MAPK10: variants seen among roughly 807,000 people sequenced by gnomAD.
MAPK10 encodes JNK3 alpha protein kinase.
A neutral mutation model predicts 59.3 loss-of-function variants in MAPK10; 25 were observed. The observed-to-expected ratio is 0.42, with a 90% CI of 0.31 to 0.59. MAPK10 has a LOEUF of 0.59. MAPK10 is among the 20% of genes least tolerant of loss of function. The pLI is 0.15. For missense variants in MAPK10, 351 were observed against 568.9 expected (o/e 0.62, Z 3.90); for synonymous variants, 190 against 200.5 (o/e 0.95, Z 0.44).
chr4:86,471,647 T>A (rs537644907), intron 1 of MAPK10, among the ~76,000 whole-genome samples: 1 of 152,376 alleles, frequency 6.6e-6, no homozygotes, highest in East Asian at 1.9e-4. Flanking sequence ...CTTCAGATTT[T>A]GTGAAGATCA....
chr4:86,310,801 T>G (rs2095653672), intron 2 of MAPK10, among the ~76,000 whole-genome samples: 1 of 152,142 alleles, frequency 6.6e-6, no homozygotes, highest in Non-Finnish European at 1.5e-5. Flanking sequence ...GGTTTTTTTC[T>G]TCTCAAGGAA....
At chr4:86,439,372 G>A (rs1400032700) in intron 1 of MAPK10, among the ~76,000 whole-genome samples, 1 of 152,076 alleles carries the variant, frequency 6.6e-6, no homozygotes, top group Non-Finnish European at 1.5e-5. Flanking sequence ...TATGTAGCCT[G>A]TTCAGTATTA....
chr4:86,395,338 C>T (rs1342900809), intron 1 of MAPK10, among the ~76,000 whole-genome samples: 2 of 152,088 alleles, frequency 1.3e-5, no homozygotes, highest in African/African-American at 2.4e-5. Flanking sequence ...ACATTTTCTC[C>T]TTATAATTCC....
At chr4:86,285,140 G>C (rs1294189153) in intron 2 of MAPK10, among the ~76,000 whole-genome samples, 1 of 152,090 alleles carries the variant, frequency 6.6e-6, no homozygotes, top group African/African-American at 2.4e-5. Flanking sequence ...GAGTAGACCA[G>C]TAATGTGCTA....
At chr4:86,534,309 T>C (rs1758063219) in intron 1 of MAPK10, among the ~76,000 whole-genome samples, 2 of 152,094 alleles carry the variant, frequency 1.3e-5, no homozygotes, top group African/African-American at 4.8e-5. Flanking sequence ...TAAGAATAAA[T>C]TTATTTTTTA....
At chr4:86,308,520 C>G (rs1208926307) in intron 2 of MAPK10, 1 of 152,116 alleles carries the variant, frequency 6.6e-6, no homozygotes, top group African/African-American at 2.4e-5. Context: ...TTGAATATCT[C>G]TATGCCTCTA....
chr4:86,306,845 A>T (rs1052704765), intron 2 of MAPK10, among the ~76,000 whole-genome samples: 1 of 152,174 alleles, frequency 6.6e-6, no homozygotes, highest in Non-Finnish European at 1.5e-5. Context: ...ACGAGTACTA[A>T]TGTTGCAATA....
intron 1 of MAPK10, among the ~76,000 whole-genome samples, chr4:86,517,399 G>A (rs527368770): frequency 3.4e-5 from 5 of 148,440 alleles, no homozygotes; most frequent in Non-Finnish European, 5.9e-5. Context: ...CCTCAGCTTC[G>A]CGAGTAGCTG....
At chr4:86,487,675 G>A (rs1754113006) in intron 1 of MAPK10, among the ~76,000 whole-genome samples, 1 of 149,658 alleles carries the variant, frequency 6.7e-6, no homozygotes, top group South Asian at 2.1e-4. Context: ...AGCTTGCAGT[G>A]AGCTGAGATA....
chr4:86,014,466 G>A lies in MAPK10; in HGVS notation c.*2762C>T, dbSNP rs1158792771. 1 of 151,972 alleles carries A rather than the reference G, an allele frequency of 6.6e-6. No homozygotes were observed. The highest frequency in any genetic ancestry group is 1.5e-5 in the Non-Finnish European group (1 of 67,982). The allele number at this position is 151,972 out of a possible 1,614,324, so 9.4% of individuals were successfully genotyped here. A position where few individuals can be genotyped will look rare whatever the true frequency, so the allele number is the denominator to read the frequency against. ...CAAAGGACTGGGGGGCTTTTACAGT[G>A]GTGATTCTCTTTGTTGTTCCATCAT... On this transcript the variant is annotated 3_prime_UTR_variant, in exon 14 of 14. Transcript: ENST00000641462.
At chr4:86,361,238 T>C (rs538226865), upstream of MAPK10, among the ~76,000 whole-genome samples, 53 of 152,304 alleles carry the variant, frequency 3.5e-4, 1 homozygote, top group African/African-American at 1.1e-3. Context: ...CTGCTGTTGT[T>C]TTATTTGGGG....
chr4:86,047,405 T>C (rs928530170), intron 11 of MAPK10, among the ~76,000 whole-genome samples: 8 of 152,030 alleles, frequency 5.3e-5, no homozygotes, highest in African/African-American at 1.9e-4. Flanking sequence ...AGGGGGAGCT[T>C]GCTTGGTGTG....
chr4:86,251,529 T>C (rs1214973051), intron 2 of MAPK10, among the ~76,000 whole-genome samples: 5 of 136,218 alleles, frequency 3.7e-5, no homozygotes, highest in Non-Finnish European at 7.8e-5. Context: ...GGCTGCATAG[T>C]ATTCCATGGT....
rs142283168 is a variant in MAPK10 at position 86,276,310 on chromosome 4, T to C, written c.-7+78220A>G. 6.2e-3 allele frequency among the ~76,000 whole-genome samples: 942 copies of C among 152,236 alleles called. 13 individuals are homozygous for C. Among genetic ancestry groups the C allele is most frequent in the African/African-American group, 0.022 (897 of 41,560 alleles). Reference sequence around the variant, plus strand: ...ACTAGCTGTTTCAAATTAATTTCACTCTTTTCAAACCTTATGCCCTTTCCT... The same window carrying C: ...ACTAGCTGTTTCAAATTAATTTCACCCTTTTCAAACCTTATGCCCTTTCCT... On this transcript the variant is annotated intron_variant, in intron 2 of 13. Coordinates refer to ENST00000641462, the MANE Select transcript of MAPK10 (RefSeq NM_138982.4).
At chr4:86,033,719 T>A (rs532105317) in intron 11 of MAPK10, among the ~76,000 whole-genome samples, 57 of 152,360 alleles carry the variant, frequency 3.7e-4, no homozygotes, top group Middle Eastern at 3.4e-3. Flanking sequence ...ATTTATAGTA[T>A]TTGTTCGACG....
chr4:86,534,761 C>T (rs1291580804), intron 1 of MAPK10, among the ~76,000 whole-genome samples: 2 of 151,932 alleles, frequency 1.3e-5, no homozygotes, highest in African/African-American at 4.8e-5. Context: ...CAAAAATTAG[C>T]CAAGCGTAGT....
intron 9 of MAPK10, 84 bp downstream of exon 9, chr4:86,098,440 T>C: frequency 6.3e-7 from 1 of 1,589,334 alleles, no homozygotes; most frequent in Admixed American, 1.8e-5. Flanking sequence ...TGCTTCTATC[T>C]TTACTCTCCT....
rs866501271 is a variant in MAPK10 at position 86,015,513 on chromosome 4, C to A, written c.*1715G>T. ...GTGCAAATAACTGTGATGGATACTTCGAAGTGAATAAGAAGGGAAGCCTGA... is the reference window on the plus strand; with the variant it reads ...GTGCAAATAACTGTGATGGATACTTAGAAGTGAATAAGAAGGGAAGCCTGA... On this transcript the variant is annotated 3_prime_UTR_variant, in exon 14 of 14. Transcript: ENST00000641462. 6.6e-6 allele frequency: 1 copy of A among 152,150 alleles called. No homozygotes were observed. The highest frequency in any genetic ancestry group is 2.4e-5 in the African/African-American group (1 of 41,424). The allele number at this position is 152,150 out of a possible 1,614,324, so 9.4% of individuals were successfully genotyped here.
intron 1 of MAPK10, among the ~76,000 whole-genome samples, chr4:86,545,020 G>T (rs1174598677): frequency 1.3e-5 from 2 of 152,098 alleles, no homozygotes; most frequent in Non-Finnish European, 2.9e-5. Context: ...GAAAGCAATG[G>T]CATGGCCATG....
Sources: allele counts gnomAD v4.1 joint callset (sites outside exome capture counted in the v4.1 genomes callset), GRCh38; gene constraint gnomAD v4.1.1; transcripts MANE v1.5; gene names NCBI Gene and HGNC (gene_info 2026-07-23, HGNC 2026-07-21).